The following GPC5 variants were observed in gnomAD, a reference collection of about 807,000 sequenced individuals.
GPC5 encodes glypican-5.
Under a neutral mutation model 53.9 loss-of-function variants are expected in GPC5, and 47 were observed. The ratio of observed to expected loss-of-function variants is 0.87; its 90% CI spans 0.69 to 1.11. The LOEUF is 1.11. Among genes scored for constraint, GPC5 ranks in the 50% most tolerant of loss-of-function variants. The pLI is 0.00. For synonymous variants in GPC5, 286 were observed against 263.3 expected (o/e 1.09, Z -0.84); for missense variants, 748 against 713.1 (o/e 1.05, Z -0.56).
intron 7 of GPC5, among the ~76,000 whole-genome samples, chr13:92,485,835 G>A (rs1347597461): frequency 1.3e-5 from 2 of 152,124 alleles, no homozygotes; most frequent in Non-Finnish European, 2.9e-5. Context: ...ACTTGGTGGT[G>A]GACACCTGTA....
intron 7 of GPC5, among the ~76,000 whole-genome samples, chr13:92,388,648 C>A (rs532646400): frequency 2.6e-5 from 4 of 152,190 alleles, no homozygotes; most frequent in East Asian, 3.9e-4. Context: ...GGAAAACTTA[C>A]AAGATTTGGG....
intron 6 of GPC5, among the ~76,000 whole-genome samples, chr13:91,930,329 A>T (rs1249747697): frequency 6.6e-6 from 1 of 152,136 alleles, no homozygotes; most frequent in African/African-American, 2.4e-5. Context: ...GGAATAAAGA[A>T]AAAACACATA....
intron 7 of GPC5, among the ~76,000 whole-genome samples, chr13:92,754,528 A>G (rs200645704): frequency 0.26 from 39,109 of 148,762 alleles, 5,517 homozygotes; most frequent in East Asian, 0.39. Context: ...AAAAGACACA[A>G]ACTGGCAAAT....
intron 3 of GPC5, among the ~76,000 whole-genome samples, chr13:91,717,982 A>C (rs1484760222): frequency 6.6e-6 from 1 of 152,192 alleles, no homozygotes; most frequent in African/African-American, 2.4e-5. Context: ...TCTAGTTATT[A>C]TTTTTAAAAA....
chr13:92,508,569 C>T (rs988776593), intron 7 of GPC5, among the ~76,000 whole-genome samples: 1 of 152,122 alleles, frequency 6.6e-6, no homozygotes, highest in Non-Finnish European at 1.5e-5. Context: ...CATTAAGTAA[C>T]TTGCCCAAGG....
chr13:92,465,284 C>T (rs1031089207), intron 7 of GPC5, among the ~76,000 whole-genome samples: 1 of 151,836 alleles, frequency 6.6e-6, no homozygotes, highest in African/African-American at 2.4e-5. Flanking sequence ...GCATTTTATG[C>T]AGCTATCCAA....
intron 6 of GPC5, among the ~76,000 whole-genome samples, chr13:92,052,441 G>A (rs1032193053): frequency 2.0e-5 from 3 of 152,190 alleles, no homozygotes; most frequent in Non-Finnish European, 4.4e-5. Flanking sequence ...AACCCGAGCG[G>A]GTTGCTGCCA....
intron 7 of GPC5, among the ~76,000 whole-genome samples, chr13:92,159,850 C>T (rs564813247): frequency 2.0e-5 from 3 of 151,786 alleles, no homozygotes; most frequent in Non-Finnish European, 2.9e-5. Context: ...GATCTGCCCA[C>T]CTAGGCCTCC....
At chr13:92,618,200 A>G (rs1290316311) in intron 7 of GPC5, among the ~76,000 whole-genome samples, 4 of 152,134 alleles carry the variant, frequency 2.6e-5, no homozygotes, top group African/African-American at 9.6e-5. Flanking sequence ...GTACATAGTT[A>G]TTTGCACAGA....
At chr13:91,988,544 A>T (rs2040429080) in intron 6 of GPC5, among the ~76,000 whole-genome samples, 1 of 152,244 alleles carries the variant, frequency 6.6e-6, no homozygotes, top group African/African-American at 2.4e-5. Flanking sequence ...CTGGAAGATC[A>T]GCGCTGTGAA....
intron 6 of GPC5, among the ~76,000 whole-genome samples, chr13:91,915,629 A>G (rs2139008770): frequency 6.6e-6 from 1 of 152,286 alleles, no homozygotes; most frequent in Non-Finnish European, 1.5e-5. Flanking sequence ...TTAAAATGTA[A>G]AACTTTTATA....
intron 3 of GPC5, among the ~76,000 whole-genome samples, chr13:91,720,915 G>T (rs996512965): frequency 2.6e-5 from 4 of 152,100 alleles, no homozygotes; most frequent in African/African-American, 7.2e-5. Flanking sequence ...TAGACAGATA[G>T]ATCCAGATAG....
intron 7 of GPC5, among the ~76,000 whole-genome samples, chr13:92,606,682 A>C (rs1884271518): frequency 6.6e-6 from 1 of 152,158 alleles, no homozygotes; most frequent in Non-Finnish European, 1.5e-5. Flanking sequence ...TCTGGTGTCC[A>C]CATCCTACAT....
At chr13:91,456,774 G>C (rs189958595) in intron 2 of GPC5, among the ~76,000 whole-genome samples, 2 of 150,664 alleles carry the variant, frequency 1.3e-5, no homozygotes, top group African/African-American at 2.4e-5. Flanking sequence ...TAAAATTCAC[G>C]TGGGTGTTTT....
At chr13:91,997,812 A>T (rs1027217963) in intron 6 of GPC5, among the ~76,000 whole-genome samples, 3 of 151,992 alleles carry the variant, frequency 2.0e-5, no homozygotes, top group Non-Finnish European at 2.9e-5. Flanking sequence ...GAGCCACCAC[A>T]CCTGGCCCCT....
intron 7 of GPC5, among the ~76,000 whole-genome samples, chr13:92,648,677 A>T (rs1885851803): frequency 6.6e-6 from 1 of 152,144 alleles, no homozygotes; most frequent in African/African-American, 2.4e-5. Context: ...TTCAGTCTTT[A>T]ATATATTTAA....
intron 7 of GPC5, among the ~76,000 whole-genome samples, chr13:92,280,493 T>C (rs183544505): frequency 1.5e-3 from 227 of 152,302 alleles, no homozygotes; most frequent in Non-Finnish European, 2.7e-3. Flanking sequence ...TTTATAGCTG[T>C]AAGTTTCCCT....
At chr13:92,736,808 T>TG (rs930246627) in intron 7 of GPC5, among the ~76,000 whole-genome samples, 3 of 98,246 alleles carry the variant, frequency 3.1e-5, no homozygotes, top group African/African-American at 1.4e-4. Flanking sequence ...CTGTAGCCTA[T>TG]TTTTTTTTTA....
At chr13:91,842,704 CAAAAAAAAAAAAAAA>C (rs58660493) in intron 5 of GPC5, among the ~76,000 whole-genome samples, 5,617 of 59,208 alleles carry the variant, frequency 0.095, 180 homozygotes, top group Middle Eastern at 0.13. Flanking sequence ...GACTCCGTCT[CAAAAAAAAAAAAAAA>C]AAAAAAAAAA....
Sources: allele counts gnomAD v4.1 joint callset (sites outside exome capture counted in the v4.1 genomes callset), GRCh38; gene constraint gnomAD v4.1.1; transcripts MANE v1.5; gene names NCBI Gene and HGNC (gene_info 2026-07-23, HGNC 2026-07-21).